Variants in C1QTNF3 observed in about 807,000 individuals in gnomAD.
The protein encoded by C1QTNF3 is complement C1q tumor necrosis factor-related protein 3.
A neutral mutation model predicts 32.6 loss-of-function variants in C1QTNF3; 26 were observed. The observed-to-expected ratio is 0.80, with a 90% confidence interval of 0.58 to 1.11. The LOEUF is 1.11. C1QTNF3 is among the 50% of genes least tolerant of loss of function. C1QTNF3 has a pLI of 0.00. For synonymous variants in C1QTNF3, 155 were observed against 146.0 expected (o/e 1.06, Z -0.44); for missense variants, 362 against 398.2 (o/e 0.91, Z 0.77).
chr5:34,176,368 C>A, the C1QTNF3 span, among the ~76,000 whole-genome samples: 3 of 140,252 alleles, frequency 2.1e-5, no homozygotes, highest in Non-Finnish European at 3.1e-5. Flanking sequence ...CTAACATGCA[C>A]AATGTGCACA....
the C1QTNF3 span, among the ~76,000 whole-genome samples, chr5:34,216,505 C>CCT: frequency 2.0e-5 from 3 of 151,952 alleles, no homozygotes; most frequent in African/African-American, 7.2e-5. Context: ...CGATATTTTC[C>CCT]CTGTGACAAT....
chr5:34,132,534 T>G, the C1QTNF3 span, among the ~76,000 whole-genome samples: 2 of 151,348 alleles, frequency 1.3e-5, no homozygotes, highest in African/African-American at 4.9e-5. Context: ...CTAAATGATT[T>G]GAACTTGCTG....
chr5:34,146,236 C>T, the C1QTNF3 span, among the ~76,000 whole-genome samples: 2 of 152,200 alleles, frequency 1.3e-5, no homozygotes, highest in South Asian at 2.1e-4. Flanking sequence ...ATTACATGCT[C>T]ATGGATAGGA....
At chr5:34,167,305 G>A in the C1QTNF3 span, 1 of 152,052 alleles carries the variant, frequency 6.6e-6, no homozygotes, top group Admixed American at 6.6e-5. Context: ...CTTATGTACA[G>A]CTTTCTCTGC....
At chr5:34,061,795 G>A in the C1QTNF3 span, among the ~76,000 whole-genome samples, 1 of 152,210 alleles carries the variant, frequency 6.6e-6, no homozygotes, top group African/African-American at 2.4e-5. Flanking sequence ...CTCTGAGCCT[G>A]TGATGGGAGG....
the C1QTNF3 span, among the ~76,000 whole-genome samples, chr5:34,065,712 G>C: frequency 6.6e-6 from 1 of 151,986 alleles, no homozygotes; most frequent in Non-Finnish European, 1.5e-5. Context: ...AGGCTGCAGA[G>C]AATAAAGAAC....
the C1QTNF3 span, among the ~76,000 whole-genome samples, chr5:34,091,611 G>A: frequency 6.6e-6 from 1 of 152,186 alleles, no homozygotes; most frequent in African/African-American, 2.4e-5. Context: ...TCGTTACATG[G>A]CAACTTAGTC....
At chr5:34,240,503 A>G in the C1QTNF3 span, among the ~76,000 whole-genome samples, 6 of 151,440 alleles carry the variant, frequency 4.0e-5, no homozygotes, top group Non-Finnish European at 3.0e-5. Context: ...CTCTAGACAC[A>G]AAAATTAGAA....
chr5:34,043,527 G>C (rs1754928414), upstream of C1QTNF3: 1 of 175,574 alleles, frequency 5.7e-6, no homozygotes, highest in African/African-American at 2.4e-5. Context: ...AAAGCCTTTT[G>C]GAAAAATCTA....
chr5:34,121,872 A>C, the C1QTNF3 span, among the ~76,000 whole-genome samples: 1 of 151,680 alleles, frequency 6.6e-6, no homozygotes, highest in Non-Finnish European at 1.5e-5. Flanking sequence ...TCTGAGAGAG[A>C]CCTCCCCCTG....
the C1QTNF3 span, among the ~76,000 whole-genome samples, chr5:34,186,092 T>C: frequency 6.6e-6 from 1 of 152,304 alleles, no homozygotes; most frequent in African/African-American, 2.4e-5. Context: ...GGTATATTTA[T>C]CTATACTATC....
chr5:34,171,619 C>G, the C1QTNF3 span, among the ~76,000 whole-genome samples: 1 of 152,124 alleles, frequency 6.6e-6, no homozygotes, highest in African/African-American at 2.4e-5. Flanking sequence ...CTGATAAAAA[C>G]TCTGTCACCA....
the C1QTNF3 span, among the ~76,000 whole-genome samples, chr5:34,231,932 C>G: frequency 1.6e-3 from 226 of 141,178 alleles, no homozygotes; most frequent in African/African-American, 5.3e-3. Context: ...ACAGCTTGCA[C>G]AGTGTGCCTG....
chr5:34,023,477 A>G (rs1375628782), intron 5 of C1QTNF3, among the ~76,000 whole-genome samples: 4 of 152,220 alleles, frequency 2.6e-5, no homozygotes, highest in African/African-American at 9.7e-5. Flanking sequence ...CAGGGAAATG[A>G]TAACAGCCAC....
At chr5:34,201,212 T>A in the C1QTNF3 span, among the ~76,000 whole-genome samples, 15 of 151,582 alleles carry the variant, frequency 9.9e-5, no homozygotes, top group Non-Finnish European at 1.5e-4. Context: ...TTCATTACAG[T>A]GTTAGAAATG....
the C1QTNF3 span, among the ~76,000 whole-genome samples, chr5:34,102,958 T>TA: frequency 0.46 from 66,892 of 144,282 alleles, 15,020 homozygotes; most frequent in Non-Finnish European, 0.57. Context: ...TGTGCACATG[T>TA]ACCCTAGAAC....
chr5:34,186,488 C>CTTTTT, the C1QTNF3 span, among the ~76,000 whole-genome samples: 2 of 139,336 alleles, frequency 1.4e-5, no homozygotes, highest in Non-Finnish European at 1.6e-5. Context: ...TTCTTTCCTC[C>CTTTTT]TTTTTTTTTT....
chr5:34,213,333 T>G, the C1QTNF3 span, among the ~76,000 whole-genome samples: 1 of 152,220 alleles, frequency 6.6e-6, no homozygotes, highest in African/African-American at 2.4e-5. Context: ...TCCTCATTGC[T>G]AAGTGACACA....
chr5:34,125,138 G>C, the C1QTNF3 span, among the ~76,000 whole-genome samples: 6 of 152,192 alleles, frequency 3.9e-5, no homozygotes, highest in Non-Finnish European at 8.8e-5. Context: ...TCAGCAAAAT[G>C]AGATGGGTGA....
Sources: allele counts gnomAD v4.1 joint callset (sites outside exome capture counted in the v4.1 genomes callset), GRCh38; gene constraint gnomAD v4.1.1; transcripts MANE v1.5; gene names NCBI Gene and HGNC (gene_info 2026-07-23, HGNC 2026-07-21).